Variants in TBC1D30 observed in about 807,000 individuals in gnomAD.
TBC1D30 encodes TBC1 domain family, member 30.
In TBC1D30, 31 loss-of-function variants were observed where a neutral mutation model predicts 63.2. The ratio of observed to expected loss-of-function variants is 0.49; its 90% CI spans 0.37 to 0.66. The LOEUF (loss-of-function observed/expected upper bound fraction) is 0.66. Ranked by LOEUF, TBC1D30 falls within the 30% of genes least tolerant of loss-of-function variation. The probability of loss-of-function intolerance (pLI) is 0.00; values close to 1 mark genes in which losing one functional copy is unlikely to be tolerated. For synonymous variants in TBC1D30, 307 were observed against 361.5 expected (o/e 0.85, Z 1.71); for missense variants, 810 against 953.6 (o/e 0.85, Z 1.98).
At chr12:64,780,328 C>T (rs1264202961), upstream of TBC1D30, among the ~76,000 whole-genome samples, 1 of 152,214 alleles carries the variant, frequency 6.6e-6, no homozygotes, top group African/African-American at 2.4e-5. Context: ...GAGCTCCTGG[C>T]CTGGGCCTAT....
intron 1 of TBC1D30, among the ~76,000 whole-genome samples, chr12:64,769,542 A>AT (rs35063952): frequency 0.017 from 2,228 of 133,072 alleles, 36 homozygotes; most frequent in Non-Finnish European, 0.026. Context: ...ACGCTGGGCT[A>AT]TTTTTTTTTT....
chr12:64,782,758 C>T (rs952868737), intron 1 of TBC1D30, among the ~76,000 whole-genome samples: 1 of 152,190 alleles, frequency 6.6e-6, no homozygotes, highest in African/African-American at 2.4e-5. Context: ...CATCCACAAG[C>T]CCTGTAATAG....
intron 8 of TBC1D30, among the ~76,000 whole-genome samples, chr12:64,861,872 C>A (rs909616486): frequency 6.6e-6 from 1 of 152,106 alleles, no homozygotes; most frequent in Non-Finnish European, 1.5e-5. Flanking sequence ...TTCCTTTGCA[C>A]CCACTCTGTT....
chr12:64,785,915 A>G (rs1206860034), exon 2 of TBC1D30: 15 of 1,289,870 alleles, frequency 1.2e-5, no homozygotes, highest in East Asian at 5.5e-5. Flanking sequence ...TTCGAGAGCT[A>G]AAGTACAGAA....
rs1879047780 is a variant in TBC1D30 at position 64,876,008 on chromosome 12, A to G, written c.*220A>G. The G allele has an allele frequency of 2.0e-6, 1 of 501,242 alleles. No individual in the cohort carries two copies. The allele number at this position is 501,242 out of a possible 1,614,324, so 31.0% of individuals were successfully genotyped here. Reference sequence around the variant, plus strand: ...ACTGACGAAGTGGATTCTTGTGGCAAAATAAATATTGTGGTTTTATAGTGT... The same window carrying G: ...ACTGACGAAGTGGATTCTTGTGGCAGAATAAATATTGTGGTTTTATAGTGT... On this transcript the variant is annotated 3_prime_UTR_variant, in exon 12 of 12. Coordinates refer to ENST00000539867, the MANE Select transcript of TBC1D30 (RefSeq NM_015279.2).
Position 64,787,240 on chromosome 12 carries a change from A to G in TBC1D30, c.643+1195A>G, listed in dbSNP as rs550437873. On this transcript the variant is annotated intron_variant, in intron 2 of 12. Transcript: ENST00000542120. ...AAATAAATTGTTAAATTGCTGATAC[A>G]CATTAAATACTAGGTATAAAACCTT... is the stretch of plus-strand genomic sequence containing the variant. The G allele has an allele frequency of 1.4e-4, 37 of 267,120 alleles. 1 individual carries two copies. Among genetic ancestry groups the G allele is most frequent in the Middle Eastern group, 3.9e-3 (2 of 518 alleles). The allele number at this position is 267,120 out of a possible 1,614,324, so 16.5% of individuals were successfully genotyped here.
At chr12:64,783,506 T>C (rs1210374817) in intron 1 of TBC1D30, among the ~76,000 whole-genome samples, 1 of 152,192 alleles carries the variant, frequency 6.6e-6, no homozygotes, top group African/African-American at 2.4e-5. Context: ...AGGTTGTGAG[T>C]TGACAATGTC....
Position 64,876,510 on chromosome 12 carries a change from T to G in TBC1D30, c.*722T>G. On this transcript the variant is annotated 3_prime_UTR_variant, in exon 12 of 12. Transcript: ENST00000539867. ...CTTTACGCAGTTGCTCCGGACAGCT[T>G]GCTCGCGCCACTGAGCTTTTCCTGA... 1 of 295,748 alleles carries G rather than the reference T, an allele frequency of 3.4e-6. No individual in the cohort carries two copies. Among genetic ancestry groups the G allele is most frequent in the South Asian group, 3.4e-5 (1 of 29,422 alleles). 18.3% of individuals were successfully genotyped at this position (295,748 alleles called of 1,614,324 possible). A position where few individuals can be genotyped will look rare whatever the true frequency, so the allele number is the denominator to read the frequency against.
intron 8 of TBC1D30, among the ~76,000 whole-genome samples, chr12:64,854,671 A>G (rs953997953): frequency 6.6e-6 from 1 of 151,826 alleles, no homozygotes; most frequent in African/African-American, 2.4e-5. Flanking sequence ...ATTTTTTTGT[A>G]TTGTTAGTAG....
chr12:64,778,065 AGTG>A (rs1871133421), upstream of TBC1D30, among the ~76,000 whole-genome samples: 1 of 152,204 alleles, frequency 6.6e-6, no homozygotes, highest in African/African-American at 2.4e-5. Context: ...CCCAGCCATC[AGTG>A]GTTCTTTCTT....
intron 9 of TBC1D30, among the ~76,000 whole-genome samples, chr12:64,865,932 C>CA (rs1265452302): frequency 6.6e-6 from 1 of 152,130 alleles, no homozygotes; most frequent in Non-Finnish European, 1.5e-5. Context: ...TGCAGTGGTA[C>CA]AATCATGGCA....
intron 8 of TBC1D30, among the ~76,000 whole-genome samples, chr12:64,858,967 T>G (rs1297560532): frequency 6.6e-6 from 1 of 151,984 alleles, no homozygotes; most frequent in Non-Finnish European, 1.5e-5. Context: ...AAGCCTTTCT[T>G]GAGGGAATTC....
intron 7 of TBC1D30, among the ~76,000 whole-genome samples, chr12:64,841,787 C>T (rs1315732497): frequency 1.3e-5 from 2 of 152,238 alleles, no homozygotes; most frequent in Non-Finnish European, 2.9e-5. Flanking sequence ...TATTTCTCTT[C>T]CTTACCTCCC....
intron 8 of TBC1D30, among the ~76,000 whole-genome samples, chr12:64,854,498 CTT>C (rs71278243): frequency 6.5e-5 from 9 of 138,758 alleles, no homozygotes; most frequent in Admixed American, 1.4e-4. Flanking sequence ...CTTTTTCTTT[CTT>C]TTTTTTTTTT....
chr12:64,774,746 G>A (rs1871015118), intron 1 of TBC1D30, among the ~76,000 whole-genome samples: 1 of 152,100 alleles, frequency 6.6e-6, no homozygotes, highest in African/African-American at 2.4e-5. Context: ...AAATGCTGAG[G>A]GAATTCATTA....
At chr12:64,857,015 A>G (rs1219504795) in intron 8 of TBC1D30, among the ~76,000 whole-genome samples, 1 of 152,080 alleles carries the variant, frequency 6.6e-6, no homozygotes, top group Non-Finnish European at 1.5e-5. Flanking sequence ...GCCCCAGGGC[A>G]GGTCCAGAAA....
chr12:64,809,483 C>T (rs549462301), intron 2 of TBC1D30, among the ~76,000 whole-genome samples: 2 of 152,076 alleles, frequency 1.3e-5, no homozygotes, highest in Non-Finnish European at 2.9e-5. Context: ...TTTTGTTTAT[C>T]TACTTGTTGG....
intron 1 of TBC1D30, among the ~76,000 whole-genome samples, chr12:64,763,533 T>C (rs1164062929): frequency 6.6e-6 from 1 of 152,144 alleles, no homozygotes; most frequent in Non-Finnish European, 1.5e-5. Context: ...TTTTGGTTAC[T>C]CTTTACTTCT....
intron 2 of TBC1D30, among the ~76,000 whole-genome samples, chr12:64,813,114 A>G (rs996092265): frequency 6.6e-6 from 1 of 152,040 alleles, no homozygotes; most frequent in Non-Finnish European, 1.5e-5. Flanking sequence ...GTAGGGTTGG[A>G]CATGGTGGTT....
Sources: gnomAD v4.1 joint callset for allele counts (sites outside exome capture counted in the v4.1 genomes callset) on GRCh38, gnomAD v4.1.1 for gene constraint, MANE v1.5 for transcripts, NCBI Gene and HGNC (gene_info 2026-07-23, HGNC 2026-07-21) for gene names.